Variants in EXOC4 observed in about 807,000 individuals in gnomAD.
The protein encoded by EXOC4 is SEC8-like 1.
EXOC4 carries 71 observed loss-of-function variants against 107.2 expected under a neutral mutation model. That is an observed-to-expected ratio of 0.66 (90% CI 0.55 to 0.81). The LOEUF (loss-of-function observed/expected upper bound fraction) is 0.81, where lower values mean the gene tolerates loss of function less well. Ranked by LOEUF, EXOC4 falls within the 30% of genes least tolerant of loss-of-function variation. The probability of loss-of-function intolerance (pLI) is 0.00; values close to 1 mark genes in which losing one functional copy is unlikely to be tolerated. For missense variants in EXOC4, 1,108 were observed against 1,189.6 expected, an observed-to-expected ratio of 0.93 and a Z score of 1.01; for synonymous variants, 456 against 441.2, an observed-to-expected ratio of 1.03 and a Z score of -0.42.
intron 12 of EXOC4, among the ~76,000 whole-genome samples, chr7:133,909,976 T>A (rs1799654633): frequency 1.4e-5 from 2 of 139,962 alleles, no homozygotes; most frequent in Admixed American, 1.6e-4. Context: ...CAGGCTGGAA[T>A]GCAATGGCGT....
At chr7:133,300,155 G>A (rs1339741033) in intron 3 of EXOC4, among the ~76,000 whole-genome samples, 1 of 152,172 alleles carries the variant, frequency 6.6e-6, no homozygotes, top group Non-Finnish European at 1.5e-5. Context: ...GGTGATTTAA[G>A]AATGGGCATT....
intron 15 of EXOC4, among the ~76,000 whole-genome samples, chr7:133,998,391 T>C (rs1023381812): frequency 1.3e-5 from 2 of 152,172 alleles, no homozygotes; most frequent in Non-Finnish European, 2.9e-5. Flanking sequence ...GGGATTCTTT[T>C]CTTTAAGATA....
At chr7:133,255,873 G>C (rs1444400499) in intron 1 of EXOC4, among the ~76,000 whole-genome samples, 2 of 151,988 alleles carry the variant, frequency 1.3e-5, no homozygotes, top group African/African-American at 4.8e-5. Context: ...AGGAATGTAT[G>C]TTTCTTGTTA....
chr7:133,579,715 T>A (rs1801209747), intron 9 of EXOC4, among the ~76,000 whole-genome samples: 1 of 148,694 alleles, frequency 6.7e-6, no homozygotes, highest in African/African-American at 2.5e-5. Context: ...TGAGATGGAG[T>A]CTCACTCTGT....
intron 9 of EXOC4, chr7:133,576,761 G>C: frequency 7.8e-7 from 1 of 1,289,586 alleles, no homozygotes; most frequent in Non-Finnish European, 1.0e-6. Context: ...CTATTGGAGA[G>C]GTAACTGTGA....
At chr7:133,389,361 A>C (rs1340561645) in intron 7 of EXOC4, among the ~76,000 whole-genome samples, 1 of 152,088 alleles carries the variant, frequency 6.6e-6, no homozygotes, top group Admixed American at 6.5e-5. Flanking sequence ...ACCTGAGGTC[A>C]GGAGTTCAAG....
At chr7:133,522,222 A>G (rs538200820) in intron 9 of EXOC4, among the ~76,000 whole-genome samples, 1 of 152,166 alleles carries the variant, frequency 6.6e-6, no homozygotes, top group South Asian at 2.1e-4. Flanking sequence ...TTGTGCCTTA[A>G]TGTGTTTGAG....
intron 9 of EXOC4, among the ~76,000 whole-genome samples, chr7:133,535,199 T>A (rs1046509564): frequency 6.6e-6 from 1 of 152,144 alleles, no homozygotes; most frequent in Admixed American, 6.6e-5. Context: ...AATGCCTCAT[T>A]GTGGGAGGTT....
chr7:133,289,406 G>GGAA (rs376198748), intron 3 of EXOC4, among the ~76,000 whole-genome samples: 251 of 152,346 alleles, frequency 1.6e-3, no homozygotes, highest in African/African-American at 5.7e-3. Flanking sequence ...TAGCTTCAGA[G>GGAA]GAAGATAGTT....
chr7:133,798,281 G>A (rs538868222), intron 10 of EXOC4, among the ~76,000 whole-genome samples: 1 of 152,292 alleles, frequency 6.6e-6, no homozygotes, highest in Middle Eastern at 3.4e-3. Flanking sequence ...AGGATATTGT[G>A]AGTAAGCTCC....
chr7:133,815,679 T>A (rs1797352128), intron 10 of EXOC4, among the ~76,000 whole-genome samples: 1 of 152,160 alleles, frequency 6.6e-6, no homozygotes, highest in African/African-American at 2.4e-5. Flanking sequence ...TCCAAGAGTT[T>A]TTTTAAGTGT....
At chr7:133,339,459 T>C (rs1355625412) in intron 5 of EXOC4, among the ~76,000 whole-genome samples, 1 of 152,200 alleles carries the variant, frequency 6.6e-6, no homozygotes, top group Non-Finnish European at 1.5e-5. Flanking sequence ...CCAGATTTGT[T>C]CTTTTTGTAT....
chr7:133,946,008 TTTTAATTAGAACTC>T (rs1264924649), intron 14 of EXOC4, among the ~76,000 whole-genome samples: 1 of 152,252 alleles, frequency 6.6e-6, no homozygotes, highest in Non-Finnish European at 1.5e-5. Context: ...ATCTGATTCT[TTTTAATTAGAACTC>T]TATGCGTGGT....
At chr7:133,554,368 A>T (rs1046173712) in intron 9 of EXOC4, among the ~76,000 whole-genome samples, 3 of 152,206 alleles carry the variant, frequency 2.0e-5, no homozygotes, top group African/African-American at 7.2e-5. Flanking sequence ...AGCTCTTTAC[A>T]CTAAAAATAG....
intron 14 of EXOC4, among the ~76,000 whole-genome samples, chr7:133,941,820 A>AC (rs1800434753): frequency 5.5e-5 from 3 of 54,500 alleles, no homozygotes; most frequent in Non-Finnish European, 5.0e-5. Context: ...ATGCTTACAG[A>AC]TTCTCTCTCT....
chr7:133,467,929 A>G (rs1798772692), intron 7 of EXOC4, among the ~76,000 whole-genome samples: 2 of 151,722 alleles, frequency 1.3e-5, no homozygotes, highest in African/African-American at 2.4e-5. Context: ...TTTGTATTGT[A>G]CTCATTCATG....
intron 9 of EXOC4, among the ~76,000 whole-genome samples, chr7:133,591,576 G>GTGTGTA (rs1563119365): frequency 1.3e-5 from 2 of 150,580 alleles, no homozygotes; most frequent in Admixed American, 6.6e-5. Flanking sequence ...GTGCGTGTGT[G>GTGTGTA]TGTGTGTGTG....
intron 12 of EXOC4, among the ~76,000 whole-genome samples, chr7:133,907,864 G>A (rs562898749): frequency 6.6e-6 from 1 of 151,662 alleles, no homozygotes; most frequent in South Asian, 2.1e-4. Flanking sequence ...AGAAGGAGGG[G>A]AAGGAGGGAG....
intron 10 of EXOC4, among the ~76,000 whole-genome samples, chr7:133,682,799 G>C (rs1585076167): frequency 1.3e-5 from 2 of 152,122 alleles, no homozygotes; most frequent in African/African-American, 4.8e-5. Context: ...AGAGTTTGAG[G>C]CTCTCAGTCA....
Sources: gnomAD v4.1 joint callset for allele counts (sites outside exome capture counted in the v4.1 genomes callset) on GRCh38, gnomAD v4.1.1 for gene constraint, MANE v1.5 for transcripts, NCBI Gene and HGNC (gene_info 2026-07-23, HGNC 2026-07-21) for gene names.